The following PPP6C variants were observed in gnomAD, a reference collection of about 807,000 sequenced individuals.
PPP6C encodes the protein protein phosphatase 6 catalytic subunit.
A neutral mutation model predicts 39.8 loss-of-function variants in PPP6C; 11 were observed. That is an observed-to-expected ratio of 0.28 (90% confidence interval 0.17 to 0.46). The LOEUF is 0.46. Among genes scored for constraint, PPP6C ranks in the 20% least tolerant of loss-of-function variants. The pLI, the probability that PPP6C is intolerant of heterozygous loss-of-function variation, is 1.00. For synonymous variants in PPP6C, 129 were observed against 130.3 expected (o/e 0.99, Z 0.07); for missense variants, 211 against 373.9 (o/e 0.56, Z 3.59).
chr9:125,150,727 TCGGCAAGGCA>T (rs1835915802), intron 6 of PPP6C: 4 of 784,420 alleles, frequency 5.1e-6, no homozygotes, highest in African/African-American at 1.7e-5. Flanking sequence ...GGCCTGGAGC[TCGGCAAGGCA>T]GTGATTGAGA....
intron 2 of PPP6C, among the ~76,000 whole-genome samples, chr9:125,163,783 G>A (rs1329720072): frequency 6.6e-6 from 1 of 151,836 alleles, no homozygotes; most frequent in African/African-American, 2.4e-5. Flanking sequence ...AGACACACAG[G>A]TAGACGATTA....
intron 2 of PPP6C, among the ~76,000 whole-genome samples, chr9:125,162,293 A>T (rs1262179434): frequency 6.6e-6 from 1 of 151,646 alleles, no homozygotes; most frequent in Non-Finnish European, 1.5e-5. Flanking sequence ...CCCCATCTCT[A>T]CTAAAAATAC....
At chr9:125,179,657 T>C (rs575392240) in intron 1 of PPP6C, among the ~76,000 whole-genome samples, 73 of 81,090 alleles carry the variant, frequency 9.0e-4, no homozygotes, top group Admixed American at 2.9e-3. Flanking sequence ...CTCTCTCTCT[T>C]TTTTTTTTTT....
chr9:125,175,535 A>G (rs377620196), intron 1 of PPP6C, among the ~76,000 whole-genome samples: 1 of 148,852 alleles, frequency 6.7e-6, no homozygotes, highest in Non-Finnish European at 1.5e-5. Context: ...CCCAGCTACT[A>G]GGGAGGCTGA....
At chr9:125,188,816 A>G (rs1422765020) in intron 1 of PPP6C, 1 of 409,336 alleles carries the variant, frequency 2.4e-6, no homozygotes, top group Non-Finnish European at 4.0e-6. Context: ...AATAATAATA[A>G]TAATTAAAAA....
rs1835876339 is a variant in PPP6C, at chr9:125,149,094, T to C, written c.*579A>G. 6.6e-6 allele frequency: 1 copy of C among 152,206 alleles called. No individual in the cohort carries two copies. The highest frequency in any genetic ancestry group is 1.5e-5 in the Non-Finnish European group (1 of 68,048). 9.4% of individuals were successfully genotyped at this position (152,206 alleles called of 1,614,324 possible). ...ACAAAGTCATAAGCTGTAGCAGTTT[T>C]TAACTAAAATTTAAAAACACAACAA... is the stretch of plus-strand genomic sequence containing the variant. On this transcript the variant is annotated 3_prime_UTR_variant, in exon 7 of 7. Transcript: ENST00000373547.
rs911813242 is a variant in PPP6C, at chr9:125,147,551, A to G, written c.*2122T>C. The G allele has an allele frequency of 1.3e-5, 2 of 152,226 alleles. No individual in the cohort carries two copies. Among genetic ancestry groups the G allele is most frequent in the Non-Finnish European group, 2.9e-5 (2 of 68,026 alleles). 9.4% of individuals were successfully genotyped at this position (152,226 alleles called of 1,614,324 possible). On this transcript the variant is annotated 3_prime_UTR_variant, in exon 7 of 7. Transcript: ENST00000373547. ...TATTTTTTCCATGCAAAAAGCCATT[A>G]TTCAGTTGAAGAGAAATCAGGCAAA...
At chr9:125,151,838 T>C (rs889737450) in intron 6 of PPP6C, among the ~76,000 whole-genome samples, 5 of 152,244 alleles carry the variant, frequency 3.3e-5, no homozygotes, top group African/African-American at 9.6e-5. Context: ...GCTTTAACTA[T>C]AGCTCAGCTG....
At chr9:125,189,091 G>A (rs1386654152) in intron 1 of PPP6C, 1 of 615,120 alleles carries the variant, frequency 1.6e-6, no homozygotes, top group Non-Finnish European at 2.9e-6. Context: ...AAGCAATTTG[G>A]AGGAGTGGCA....
intron 4 of PPP6C, among the ~76,000 whole-genome samples, chr9:125,154,556 T>C (rs1361155436): frequency 6.6e-6 from 1 of 152,240 alleles, no homozygotes; most frequent in Non-Finnish European, 1.5e-5. Flanking sequence ...GCAGCTGAAA[T>C]TATTAGCCAA....
At chr9:125,154,308 A>G (rs1471004565) in intron 4 of PPP6C, among the ~76,000 whole-genome samples, 5 of 152,250 alleles carry the variant, frequency 3.3e-5, no homozygotes, top group Admixed American at 3.3e-4. Flanking sequence ...AGGCAATATG[A>G]TATAGCCTAT....
chr9:125,172,397 T>C (rs1829190521), intron 1 of PPP6C, among the ~76,000 whole-genome samples: 1 of 152,008 alleles, frequency 6.6e-6, no homozygotes, highest in African/African-American at 2.4e-5. Flanking sequence ...GTATTCTTAG[T>C]AGTTTCACCA....
chr9:125,167,984 G>T (rs895294491), intron 2 of PPP6C, among the ~76,000 whole-genome samples: 2 of 152,140 alleles, frequency 1.3e-5, no homozygotes, highest in African/African-American at 4.8e-5. Context: ...TATTCTAAAG[G>T]ATTGAGAGTT....
chr9:125,165,938 A>T (rs1282243516), intron 2 of PPP6C, among the ~76,000 whole-genome samples: 4 of 151,826 alleles, frequency 2.6e-5, no homozygotes, highest in Non-Finnish European at 5.9e-5. Context: ...CCGAGATTAC[A>T]GGCACGTACC....
At chr9:125,187,472 G>C (rs1396750387) in intron 1 of PPP6C, among the ~76,000 whole-genome samples, 2 of 151,596 alleles carry the variant, frequency 1.3e-5, no homozygotes, top group African/African-American at 4.9e-5. Flanking sequence ...TTAGTAGAGA[G>C]GGGGTTTCAC....
At position 125,152,437 on chromosome 9, in the gene PPP6C, T is replaced by C. The variant is rs533502048; in HGVS notation, c.669+1096A>G. Among the ~76,000 whole-genome samples, 14 of 152,310 alleles carry C rather than the reference T, an allele frequency of 9.2e-5. No homozygotes were observed. In the South Asian group the frequency reaches 2.9e-3, roughly 32 times the overall value. On this transcript the variant is annotated intron_variant, in intron 6 of 6. Coordinates refer to ENST00000373547, the MANE Select transcript of PPP6C (RefSeq NM_002721.5). ...TGGCAGTAGGTTTTAGGTGGTATCA[T>C]AGTGCCTTTTGATTAATTTAAGTAT...
intron 1 of PPP6C, 26 bp downstream of exon 1, chr9:125,189,618 G>A (rs1482428743): frequency 1.2e-6 from 2 of 1,612,062 alleles, no homozygotes; most frequent in Middle Eastern, 1.6e-4. Flanking sequence ...ACAGCCGGAA[G>A]GGGCGAGCCC....
intron 4 of PPP6C, among the ~76,000 whole-genome samples, chr9:125,154,732 G>A (rs928604190): frequency 1.8e-4 from 27 of 152,292 alleles, no homozygotes; most frequent in East Asian, 9.6e-4. Context: ...TTAGTTATAG[G>A]AGCATGAGCA....
At position 125,165,262 on chromosome 9, in the gene PPP6C, G is replaced by A. The variant is rs114251727; in HGVS notation, c.172-4356C>T. 1.3e-3 allele frequency among the ~76,000 whole-genome samples: 195 copies of A among 151,990 alleles called. 2 individuals carry two copies. The highest frequency in any genetic ancestry group is 4.4e-3 in the African/African-American group (182 of 41,452). ...AAAATTAATAACATAGGCCAGGCAC[G>A]GTGACTCACACCTGTAATCCCAGCT... On this transcript the variant is annotated intron_variant, in intron 2 of 6. Transcript: ENST00000373547.
Sources: gnomAD v4.1 joint callset for allele counts (sites outside exome capture counted in the v4.1 genomes callset) on GRCh38, gnomAD v4.1.1 for gene constraint, MANE v1.5 for transcripts, NCBI Gene and HGNC (gene_info 2026-07-23, HGNC 2026-07-21) for gene names.